Variants in WWC1 observed in about 807,000 individuals in gnomAD.
WWC1 encodes protein KIBRA.
A neutral mutation model predicts 138.4 loss-of-function variants in WWC1; 55 were observed. The ratio of observed to expected loss-of-function variants is 0.40; its 90% CI spans 0.32 to 0.50. WWC1 has a LOEUF of 0.50. WWC1 is among the 20% of genes least tolerant of loss of function. The pLI is 0.72. For synonymous variants in WWC1, 524 were observed against 564.9 expected, an observed-to-expected ratio of 0.93 and a Z score of 1.03; for missense variants, 1,226 against 1,420.4, an observed-to-expected ratio of 0.86 and a Z score of 2.20.
chr5:168,336,116 T>G (rs1014637067), intron 1 of WWC1, among the ~76,000 whole-genome samples: 1 of 152,222 alleles, frequency 6.6e-6, no homozygotes, highest in Non-Finnish European at 1.5e-5. Context: ...AACCGCCCAC[T>G]TACTGCTGCC....
intron 1 of WWC1, among the ~76,000 whole-genome samples, chr5:168,293,513 A>G (rs992365523): frequency 2.0e-5 from 3 of 152,174 alleles, no homozygotes; most frequent in South Asian, 4.2e-4. Flanking sequence ...TCATTCATTC[A>G]TTCGTTCATT....
intron 17 of WWC1, among the ~76,000 whole-genome samples, chr5:168,451,075 TCACTGCAATCTCGG>T: frequency 1.3e-5 from 1 of 74,608 alleles, no homozygotes; most frequent in Non-Finnish European, 4.2e-5. Context: ...CGATCTCGGC[TCACTGCAATCTCGG>T]CTCACTGCAA....
intron 1 of WWC1, among the ~76,000 whole-genome samples, chr5:168,307,222 G>A (rs11744297): frequency 0.65 from 98,263 of 152,138 alleles, 31,977 homozygotes; most frequent in Middle Eastern, 0.75. Flanking sequence ...CTTGCCCAAG[G>A]TTGCGTAGCT....
At chr5:168,365,354 G>C (rs1376240444) in intron 1 of WWC1, among the ~76,000 whole-genome samples, 1 of 152,200 alleles carries the variant, frequency 6.6e-6, no homozygotes, top group African/African-American at 2.4e-5. Flanking sequence ...CCCTCAGAGA[G>C]AGCAGGCCAG....
intron 1 of WWC1, among the ~76,000 whole-genome samples, chr5:168,332,007 G>A (rs1410351336): frequency 1.3e-5 from 2 of 152,030 alleles, no homozygotes; most frequent in South Asian, 2.1e-4. Context: ...TTAGCCGGGC[G>A]TGGTGGTACG....
intron 1 of WWC1, among the ~76,000 whole-genome samples, chr5:168,363,344 G>T (rs1215094380): frequency 6.6e-6 from 1 of 151,736 alleles, no homozygotes; most frequent in Non-Finnish European, 1.5e-5. Flanking sequence ...ACAAACATGG[G>T]GAAATCCCGC....
chr5:168,343,330 A>G (rs1774201023), intron 1 of WWC1, among the ~76,000 whole-genome samples: 1 of 152,174 alleles, frequency 6.6e-6, no homozygotes, highest in African/African-American at 2.4e-5. Flanking sequence ...ACTGTGTATT[A>G]TCTTGTATAC....
Position 168,423,993 on chromosome 5 carries a change from C to G in WWC1, c.1735C>G (p.Leu579Val). 6.2e-7 allele frequency: 1 copy of G among 1,613,984 alleles called. No homozygotes were observed. The highest frequency in any genetic ancestry group is 8.5e-7 in the Non-Finnish European group (1 of 1,179,962). Residue 579 changes from leucine (L) to valine (V), a missense_variant, in exon 11 of 23, where the codon CTG (leucine) becomes GTG (valine). Physicochemically the swap from Leu to Val is conservative, Grantham distance 32 (BLOSUM62 1). Transcript: ENST00000265293. ...DPELSATLCELSLGNSAQERY... is the reference protein window; with the variant it reads ...DPELSATLCEVSLGNSAQERY... ...GGAGCTGAGTGCCACTCTTTGTGAA[C>G]TGAGCCTTGGTAACAGCGCCCAGGA...
chr5:168,450,015 C>T (rs1055716398), intron 17 of WWC1, among the ~76,000 whole-genome samples: 1 of 152,170 alleles, frequency 6.6e-6, no homozygotes, highest in African/African-American at 2.4e-5. Flanking sequence ...TGCATTCTCC[C>T]CATTGGGAAA....
intron 3 of WWC1, 106 bp from the exon 4 acceptor site, chr5:168,397,618 C>T (rs972921586): frequency 1.7e-6 from 2 of 1,161,330 alleles, no homozygotes; most frequent in Admixed American, 2.0e-5. Flanking sequence ...TTAGGTTGTT[C>T]ACTTTTAGTC....
intron 1 of WWC1, among the ~76,000 whole-genome samples, chr5:168,319,576 A>G (rs1430018442): frequency 1.3e-5 from 2 of 152,176 alleles, no homozygotes; most frequent in Non-Finnish European, 2.9e-5. Flanking sequence ...ATCTTAGCTT[A>G]CTGCAGCCGC....
chr5:168,418,061 T>G (rs1011733157), intron 9 of WWC1, among the ~76,000 whole-genome samples: 1 of 152,162 alleles, frequency 6.6e-6, no homozygotes, highest in Non-Finnish European at 1.5e-5. Context: ...TCTCTCTGTC[T>G]CCCCTCGCTC....
chr5:168,400,646 C>T (rs1779237134), intron 5 of WWC1, among the ~76,000 whole-genome samples: 2 of 152,132 alleles, frequency 1.3e-5, no homozygotes, highest in Admixed American at 1.3e-4. Flanking sequence ...AGCAGGTACT[C>T]AAGAAAGGTT....
chr5:168,381,481 C>T (rs751313914), intron 2 of WWC1, among the ~76,000 whole-genome samples: 14 of 152,142 alleles, frequency 9.2e-5, no homozygotes, highest in Admixed American at 5.9e-4. Context: ...TCTTAAACAC[C>T]GGTTCTCACC....
rs563220290 is a variant in WWC1 at position 168,399,678 on chromosome 5, G to A, written c.590+111G>A. On this transcript the variant is annotated intron_variant, in intron 5 of 22. Transcript: ENST00000265293. ...CCCTTTCCTCCCTTCTCAAAATGTGGCTCTCTCATCATTCAATTCAAGTTC... is the reference window on the plus strand; with the variant it reads ...CCCTTTCCTCCCTTCTCAAAATGTGACTCTCTCATCATTCAATTCAAGTTC... 283 of 1,057,066 alleles carry A rather than the reference G, an allele frequency of 2.7e-4. 2 individuals are homozygous for A. The highest frequency in any genetic ancestry group is 3.2e-5 in the African/African-American group (2 of 63,442). 65.5% of individuals were successfully genotyped at this position (1,057,066 alleles called of 1,614,324 possible).
chr5:168,453,421 G>C lies in WWC1; in HGVS notation c.2526-547G>C, dbSNP rs115024381. Among the ~76,000 whole-genome samples the C allele has an allele frequency of 7.2e-3, 1,095 of 152,246 alleles. 21 individuals are homozygous for C. The highest frequency in any genetic ancestry group is 0.025 in the African/African-American group (1,033 of 41,538). On this transcript the variant is annotated intron_variant, in intron 17 of 22. Transcript: ENST00000265293. ...GCTGCCTAGTGGGTGATTAAACTGG[G>C]AAAAGGTAGGAGAGAATTCTGGTGG...
chr5:168,460,028 T>G (rs552320278), intron 19 of WWC1, among the ~76,000 whole-genome samples: 93 of 152,278 alleles, frequency 6.1e-4, no homozygotes, highest in African/African-American at 2.2e-3. Context: ...GGGGGGAGTA[T>G]AGATAACTCA....
chr5:168,354,222 T>C (rs1382537882), intron 1 of WWC1, among the ~76,000 whole-genome samples: 2 of 152,148 alleles, frequency 1.3e-5, no homozygotes, highest in Non-Finnish European at 2.9e-5. Context: ...AGCTGTTTTT[T>C]GTATTTTTAG....
intron 1 of WWC1, among the ~76,000 whole-genome samples, chr5:168,348,787 C>T (rs1276907876): frequency 1.3e-5 from 2 of 152,114 alleles, no homozygotes; most frequent in African/African-American, 4.8e-5. Flanking sequence ...GGGGTGGGGC[C>T]AGGGGTATCC....
Sources: allele counts gnomAD v4.1 joint callset (sites outside exome capture counted in the v4.1 genomes callset), GRCh38; gene constraint gnomAD v4.1.1; transcripts MANE v1.5; gene names NCBI Gene and HGNC (gene_info 2026-07-23, HGNC 2026-07-21).